FA2H: variants seen among roughly 807,000 people sequenced by gnomAD.
FA2H encodes fatty acid alpha-hydroxylase.
Under a neutral mutation model 44.9 loss-of-function variants are expected in FA2H, and 22 were observed. The ratio of observed to expected loss-of-function variants is 0.49; its 90% confidence interval spans 0.35 to 0.70. The LOEUF (loss-of-function observed/expected upper bound fraction) is 0.70, where lower values mean the gene tolerates loss of function less well. FA2H is among the 30% of genes least tolerant of loss of function. The pLI, the probability that FA2H is intolerant of heterozygous loss-of-function variation, is 0.01. For synonymous variants in FA2H, 243 were observed against 213.2 expected (o/e 1.14, Z -1.22); for missense variants, 501 against 504.9 (o/e 0.99, Z 0.07).
intron 1 of FA2H, among the ~76,000 whole-genome samples, chr16:74,771,952 CTTT>C (rs58570521): frequency 2.1e-5 from 3 of 141,864 alleles, no homozygotes; most frequent in Non-Finnish European, 3.1e-5. Context: ...CCCTGGCTTC[CTTT>C]TTTTTTTTTT....
intron 1 of FA2H, among the ~76,000 whole-genome samples, chr16:74,745,272 C>T (rs374502956): frequency 4.6e-5 from 7 of 152,188 alleles, no homozygotes; most frequent in African/African-American, 1.2e-4. Flanking sequence ...CCATAAGCAC[C>T]GTGCACTAGA....
At chr16:74,762,036 AT>A (rs1321581328) in intron 1 of FA2H, among the ~76,000 whole-genome samples, 3 of 151,538 alleles carry the variant, frequency 2.0e-5, no homozygotes, top group African/African-American at 7.3e-5. Flanking sequence ...GGCATGTCAC[AT>A]TGTGCTTCCA....
intron 1 of FA2H, among the ~76,000 whole-genome samples, chr16:74,753,245 G>C (rs979325251): frequency 6.6e-6 from 1 of 152,214 alleles, no homozygotes; most frequent in Non-Finnish European, 1.5e-5. Context: ...GCCAGAACTA[G>C]AGCACAGTCT....
chr16:74,771,552 T>G (rs1244065849), intron 1 of FA2H, among the ~76,000 whole-genome samples: 1 of 151,922 alleles, frequency 6.6e-6, no homozygotes, highest in African/African-American at 2.4e-5. Context: ...GCCAGACTGG[T>G]CTCAAACCCC....
At chr16:74,730,642 C>A (rs898957183) in intron 2 of FA2H, among the ~76,000 whole-genome samples, 1 of 152,178 alleles carries the variant, frequency 6.6e-6, no homozygotes, top group African/African-American at 2.4e-5. Context: ...TACACCTTAT[C>A]TTGCGGCAGT....
chr16:74,747,007 T>C (rs1490150942), intron 1 of FA2H, among the ~76,000 whole-genome samples: 3 of 152,106 alleles, frequency 2.0e-5, no homozygotes, highest in Non-Finnish European at 4.4e-5. Flanking sequence ...CCTCCCCTTA[T>C]GTCTAGAAAG....
chr16:74,744,907 A>G (rs915425835), intron 1 of FA2H, among the ~76,000 whole-genome samples: 3 of 152,164 alleles, frequency 2.0e-5, no homozygotes, highest in African/African-American at 7.2e-5. Context: ...TGAACTGGGT[A>G]GGTTTCAGTA....
At position 74,721,103 on chromosome 16, in the gene FA2H, A is replaced by G. The variant is rs561293055; in HGVS notation, c.614-1943T>C. ...CCCAGGAGTGGTACTGTTGGTTCAT[A>G]TCATAACTCTATGTTTAACCTTTTG... On this transcript the variant is annotated intron_variant, in intron 4 of 6. Coordinates refer to ENST00000219368, the MANE Select transcript of FA2H (RefSeq NM_024306.5). Among the ~76,000 whole-genome samples, 17 of 152,080 alleles carry G rather than the reference A, an allele frequency of 1.1e-4. No individual in the cohort carries two copies. The South Asian group carries it at 3.1e-3, about 28-fold the overall frequency.
At chr16:74,757,312 T>C (rs1597567851) in intron 1 of FA2H, among the ~76,000 whole-genome samples, 1 of 152,326 alleles carries the variant, frequency 6.6e-6, no homozygotes. Context: ...TTTTCATCCA[T>C]TGACAATGAT....
At chr16:74,731,520 C>T (rs1962071664) in intron 2 of FA2H, among the ~76,000 whole-genome samples, 1 of 152,040 alleles carries the variant, frequency 6.6e-6, no homozygotes, top group South Asian at 2.1e-4. Flanking sequence ...TTTCTTTTCT[C>T]ATTCTTTCCT....
chr16:74,746,443 C>T (rs1028097249), intron 1 of FA2H, among the ~76,000 whole-genome samples: 2 of 151,310 alleles, frequency 1.3e-5, no homozygotes, highest in African/African-American at 2.4e-5. Flanking sequence ...CTCCTAGCCT[C>T]GAAATCCTGG....
chr16:74,759,821 G>A (rs1962673792), intron 1 of FA2H, among the ~76,000 whole-genome samples: 1 of 152,192 alleles, frequency 6.6e-6, no homozygotes, highest in African/African-American at 2.4e-5. Context: ...TCTTGGACAG[G>A]AGAAGCAGCA....
At chr16:74,733,472 C>T (rs560139875) in intron 2 of FA2H, among the ~76,000 whole-genome samples, 70 of 152,288 alleles carry the variant, frequency 4.6e-4, no homozygotes, top group African/African-American at 1.6e-3. Flanking sequence ...GCAGCCTCCA[C>T]ACAGTTTCCC....
At chr16:74,727,162 C>T (rs545153076) in intron 3 of FA2H, 82 bp downstream of exon 3, 1 of 1,571,540 alleles carries the variant, frequency 6.4e-7, no homozygotes, top group East Asian at 2.2e-5. Flanking sequence ...GGGAGGGACT[C>T]AATTGCCCCC....
intron 1 of FA2H, among the ~76,000 whole-genome samples, chr16:74,770,673 C>T (rs1041962956): frequency 2.6e-5 from 4 of 152,182 alleles, no homozygotes; most frequent in African/African-American, 9.7e-5. Context: ...GCCCAGCCTT[C>T]CTCTCTCTCA....
At chr16:74,748,810 T>C (rs928712673) in intron 1 of FA2H, among the ~76,000 whole-genome samples, 5 of 152,326 alleles carry the variant, frequency 3.3e-5, no homozygotes, top group African/African-American at 9.6e-5. Flanking sequence ...AGGCATGTTG[T>C]TCGGGAAAGC....
rs186753971 is a variant in FA2H at position 74,761,902 on chromosome 16, G to C, written c.270+12584C>G. Among the ~76,000 whole-genome samples the C allele has an allele frequency of 2.2e-3, 334 of 152,332 alleles. 1 individual carries two copies. The highest frequency in any genetic ancestry group is 4.6e-3 in the Admixed American group (71 of 15,304). On this transcript the variant is annotated intron_variant, in intron 1 of 6. Coordinates refer to ENST00000219368, the MANE Select transcript of FA2H (RefSeq NM_024306.5). The stretch of plus-strand genomic sequence containing the variant: ...ATTGAAAAAGGGGCAATGAATGAAG[G>C]AAGAAGCCTTTCAAAAGAGATAGAC...
intron 1 of FA2H, among the ~76,000 whole-genome samples, chr16:74,748,337 C>T (rs1463443757): frequency 6.6e-6 from 1 of 152,242 alleles, no homozygotes; most frequent in East Asian, 1.9e-4. Flanking sequence ...CTGCCATCTC[C>T]ACCACAAGCA....
intron 1 of FA2H, among the ~76,000 whole-genome samples, chr16:74,769,154 A>C (rs115424433): frequency 6.6e-6 from 1 of 152,178 alleles, no homozygotes; most frequent in African/African-American, 2.4e-5. Context: ...GTGCAGTGGC[A>C]TGATCACAGC....
Sources: gnomAD v4.1 joint callset for allele counts (sites outside exome capture counted in the v4.1 genomes callset) on GRCh38, gnomAD v4.1.1 for gene constraint, MANE v1.5 for transcripts, NCBI Gene and HGNC (gene_info 2026-07-23, HGNC 2026-07-21) for gene names.